ACSL1: variants seen among roughly 807,000 people sequenced by gnomAD.
ACSL1 encodes the protein acyl-CoA synthetase long chain family member 1.
ACSL1 carries 41 observed loss-of-function variants against 98.4 expected under a neutral mutation model. The ratio of observed to expected loss-of-function variants is 0.42; its 90% CI spans 0.32 to 0.54. The LOEUF is 0.54. Among genes scored for constraint, ACSL1 ranks in the 20% least tolerant of loss-of-function variants. The pLI, the probability that ACSL1 is intolerant of heterozygous loss-of-function variation, is 0.13. For synonymous variants in ACSL1, 316 were observed against 322.7 expected, an observed-to-expected ratio of 0.98 and a Z score of 0.22; for missense variants, 734 against 883.1, an observed-to-expected ratio of 0.83 and a Z score of 2.14.
Position 184,786,418 on chromosome 4 carries a change from GCACACACACACACA to G in ACSL1, c.310+2185_310+2198del, listed in dbSNP as rs61564967. ...ATATGTGCTCTGTGGTGGTGGCAAA[GCACACACACACACA>G]CACACACACACACACACACACACAC... is the stretch of plus-strand genomic sequence containing the variant. On this transcript the variant is annotated intron_variant, in intron 3 of 20. Coordinates refer to ENST00000281455, the MANE Select transcript of ACSL1 (RefSeq NM_001995.5). 1.0e-4 allele frequency among the ~76,000 whole-genome samples: 14 copies of G among 138,950 alleles called. No individual in the cohort carries two copies. The East Asian group carries it at 1.4e-3, about 14-fold the overall frequency. 91.2% of individuals were successfully genotyped at this position (138,950 alleles called of 152,430 possible).
chr4:184,804,398 G>A (rs778801490), intron 1 of ACSL1, among the ~76,000 whole-genome samples: 7 of 152,058 alleles, frequency 4.6e-5, no homozygotes, highest in African/African-American at 1.2e-4. Flanking sequence ...TGGCTAACAC[G>A]GTGAAACTCC....
At chr4:184,812,328 C>G in intron 1 of ACSL1, 1 of 674,064 alleles carries the variant, frequency 1.5e-6, no homozygotes, top group Non-Finnish European at 1.8e-6. Flanking sequence ...CTGACCGTGT[C>G]AGACCCTCTG....
chr4:184,756,745 G>A lies in ACSL1; in HGVS notation c.*380C>T, dbSNP rs191531462. ...AGAGCAGCAGACAGCTGCAGAATTT[G>A]CAGCAAGTAGCAGACATCTCAGAGA... On this transcript the variant is annotated 3_prime_UTR_variant, in exon 21 of 21. Coordinates refer to ENST00000281455, the MANE Select transcript of ACSL1 (RefSeq NM_001995.5). 3.0e-5 allele frequency: 5 copies of A among 164,484 alleles called. 1 individual carries two copies. Among genetic ancestry groups the A allele is most frequent in the African/African-American group, 1.2e-4 (5 of 41,886 alleles). 10.2% of individuals were successfully genotyped at this position (164,484 alleles called of 1,614,324 possible). A position where few individuals can be genotyped will look rare whatever the true frequency, so the allele number is the denominator to read the frequency against.
At chr4:184,764,303 C>T (rs1763262904) in intron 15 of ACSL1, among the ~76,000 whole-genome samples, 1 of 152,194 alleles carries the variant, frequency 6.6e-6, no homozygotes, top group Non-Finnish European at 1.5e-5. Context: ...GTTGGGGTTA[C>T]ACTGACATTA....
intron 1 of ACSL1, among the ~76,000 whole-genome samples, chr4:184,805,067 A>C (rs1306076946): frequency 1.3e-5 from 2 of 152,222 alleles, no homozygotes; most frequent in Non-Finnish European, 2.9e-5. Flanking sequence ...ACAAGAAAAA[A>C]AACAAAAATT....
chr4:184,819,005 C>T (rs1287374401), intron 1 of ACSL1, among the ~76,000 whole-genome samples: 1 of 152,068 alleles, frequency 6.6e-6, no homozygotes, highest in South Asian at 2.1e-4. Flanking sequence ...GGTGCATCTA[C>T]AGCTGAATGA....
intron 2 of ACSL1, among the ~76,000 whole-genome samples, chr4:184,793,105 A>G (rs979775715): frequency 2.0e-5 from 3 of 152,032 alleles, no homozygotes; most frequent in Non-Finnish European, 4.4e-5. Context: ...GTAGGAAATC[A>G]GTCATGAGCC....
intron 1 of ACSL1, among the ~76,000 whole-genome samples, chr4:184,816,800 C>T (rs11932648): frequency 0.044 from 6,720 of 152,060 alleles, 473 homozygotes; most frequent in African/African-American, 0.15. Flanking sequence ...GGTTCTACCG[C>T]GTGGGGGTAT....
intron 2 of ACSL1, among the ~76,000 whole-genome samples, chr4:184,800,809 ATTAGAGG>A (rs1183979259): frequency 6.6e-6 from 1 of 152,212 alleles, no homozygotes; most frequent in Non-Finnish European, 1.5e-5. Context: ...TTAGGTCTTC[ATTAGAGG>A]TGACCAGCAT....
chr4:184,799,116 CTTTTTTTTTT>C (rs34651371), intron 2 of ACSL1: 3 of 121,152 alleles, frequency 2.5e-5, no homozygotes, highest in Admixed American at 8.6e-5. Flanking sequence ...TTACCTGATT[CTTTTTTTTTT>C]TTTTTTTTTT....
chr4:184,817,525 C>G, intron 1 of ACSL1, among the ~76,000 whole-genome samples: 1 of 152,188 alleles, frequency 6.6e-6, no homozygotes, highest in Admixed American at 6.5e-5. Context: ...TCCTGAGCAG[C>G]CCTGCAGCCT....
rs966011198 is a variant in ACSL1, at chr4:184,763,160, C to T, written c.1521+7G>A. 6.2e-7 allele frequency: 1 copy of T among 1,611,850 alleles called. No individual in the cohort carries two copies. Among genetic ancestry groups the T allele is most frequent in the Non-Finnish European group, 8.5e-7 (1 of 1,179,536 alleles). On this transcript the variant is annotated splice_region_variant and intron_variant, in intron 16 of 20. Transcript: ENST00000281455. ...GCGAGGGAAAATGACTGACGGTTTT[C>T]ACTCACCTCGCCCTCGCCCTCGGCA...
chr4:184,812,322 C>CA, intron 1 of ACSL1: 11 of 695,706 alleles, frequency 1.6e-5, no homozygotes, highest in Non-Finnish European at 1.9e-5. Flanking sequence ...GTGATTCTGA[C>CA]CGTGTCAGAC....
chr4:184,809,815 TAAAC>T lies in ACSL1; in HGVS notation c.-32-6273_-32-6270del, dbSNP rs754191931. Among the ~76,000 whole-genome samples the T allele has an allele frequency of 9.2e-5, 14 of 152,108 alleles. No individual in the cohort carries two copies. In the East Asian group the frequency reaches 2.1e-3, roughly 23 times the overall value. On this transcript the variant is annotated intron_variant, in intron 1 of 20. Coordinates refer to ENST00000281455, the MANE Select transcript of ACSL1 (RefSeq NM_001995.5). The stretch of plus-strand genomic sequence containing the variant: ...TGTCTCAAAAAAAATAAAAATAAAA[TAAAC>T]AAATAAACCACATTTCATTAATATG...
At chr4:184,765,201 C>T (rs1763408594) in intron 14 of ACSL1, among the ~76,000 whole-genome samples, 1 of 152,174 alleles carries the variant, frequency 6.6e-6, no homozygotes, top group African/African-American at 2.4e-5. Flanking sequence ...ACTCCCTTGG[C>T]CAATTCACAG....
upstream of ACSL1, chr4:184,826,104 C>CGGCCCCGCCCCGCCCGCA (rs1453768264): frequency 1.9e-4 from 28 of 146,946 alleles, no homozygotes; most frequent in Non-Finnish European, 1.2e-4. Flanking sequence ...CGCCCTCCCG[C>CGGCCCCGCCCCGCCCGCA]GGCCCCGCCC....
At chr4:184,791,165 T>C (rs911067222) in intron 2 of ACSL1, among the ~76,000 whole-genome samples, 29 of 152,224 alleles carry the variant, frequency 1.9e-4, no homozygotes, top group Admixed American at 7.8e-4. Flanking sequence ...AATGCATTCA[T>C]GGTCTTTTTC....
chr4:184,764,611 C>G (rs933085288), intron 15 of ACSL1, among the ~76,000 whole-genome samples: 2 of 152,178 alleles, frequency 1.3e-5, no homozygotes, highest in Non-Finnish European at 2.9e-5. Flanking sequence ...AGAGTCTAGG[C>G]AAGTCTCTGC....
chr4:184,794,987 T>G (rs1470614257), intron 2 of ACSL1, among the ~76,000 whole-genome samples: 4 of 151,748 alleles, frequency 2.6e-5, no homozygotes, highest in African/African-American at 9.7e-5. Context: ...TCGCAAAACA[T>G]CTCATCACCA....
Sources: gnomAD v4.1 joint callset for allele counts (sites outside exome capture counted in the v4.1 genomes callset) on GRCh38, gnomAD v4.1.1 for gene constraint, MANE v1.5 for transcripts, NCBI Gene and HGNC (gene_info 2026-07-23, HGNC 2026-07-21) for gene names.